Variants in CDKAL1 observed in about 807,000 individuals in gnomAD.
CDKAL1 encodes threonylcarbamoyladenosine tRNA methylthiotransferase.
In CDKAL1, 32 loss-of-function variants were observed where a neutral mutation model predicts 68.2. That is an observed-to-expected ratio of 0.47 (90% CI 0.35 to 0.63). The LOEUF is 0.63. CDKAL1 is among the 30% of genes least tolerant of loss of function. The pLI, the probability that CDKAL1 is intolerant of heterozygous loss-of-function variation, is 0.00. For synonymous variants in CDKAL1, 234 were observed against 244.3 expected (o/e 0.96, Z 0.39); for missense variants, 606 against 696.7 (o/e 0.87, Z 1.47).
intron 8 of CDKAL1, among the ~76,000 whole-genome samples, chr6:20,789,227 C>T (rs943679099): frequency 1.3e-5 from 2 of 152,084 alleles, no homozygotes; most frequent in African/African-American, 2.4e-5. Flanking sequence ...ATGTCTTCAA[C>T]GGAATCCCAA....
intron 7 of CDKAL1, among the ~76,000 whole-genome samples, chr6:20,764,002 G>A (rs1774585255): frequency 6.6e-6 from 1 of 152,064 alleles, no homozygotes; most frequent in South Asian, 2.1e-4. Flanking sequence ...AGCGTCTAGT[G>A]GATTCACATT....
rs375865671 is a variant in CDKAL1, at chr6:20,568,607, C to T, written c.286+19902C>T. On this transcript the variant is annotated intron_variant, in intron 4 of 15. Coordinates refer to ENST00000274695, the MANE Select transcript of CDKAL1 (RefSeq NM_017774.3). ...AAAATTAGCCGGGCGTGGTGGCGGG[C>T]GCCTGTAGTCCCAGCTGCTTGGAAG... 1.6e-4 allele frequency among the ~76,000 whole-genome samples: 25 copies of T among 151,744 alleles called. 1 individual carries two copies. In the East Asian group the frequency reaches 4.3e-3, roughly 26 times the overall value.
At chr6:21,015,196 C>T (rs1403285859) in intron 11 of CDKAL1, among the ~76,000 whole-genome samples, 1 of 152,118 alleles carries the variant, frequency 6.6e-6, no homozygotes, top group African/African-American at 2.4e-5. Flanking sequence ...TCAAATTTTT[C>T]TATTTTCTTT....
chr6:21,133,176 C>A (rs1775415806), intron 13 of CDKAL1, among the ~76,000 whole-genome samples: 1 of 152,142 alleles, frequency 6.6e-6, no homozygotes, highest in African/African-American at 2.4e-5. Context: ...AAACAAGATG[C>A]CAATTCACGT....
chr6:20,853,282 C>T (rs775031904), intron 9 of CDKAL1, among the ~76,000 whole-genome samples: 2 of 151,156 alleles, frequency 1.3e-5, no homozygotes, highest in African/African-American at 2.4e-5. Flanking sequence ...CTTGGGAGGC[C>T]GAGGTGGAAG....
chr6:20,889,692 T>G (rs145130719), intron 9 of CDKAL1, among the ~76,000 whole-genome samples: 1,659 of 152,224 alleles, frequency 0.011, 27 homozygotes, highest in African/African-American at 0.036. Context: ...TATTTCTGAG[T>G]GCTCTGTTCT....
At chr6:20,704,468 T>A (rs1305952852) in intron 5 of CDKAL1, among the ~76,000 whole-genome samples, 3 of 146,962 alleles carry the variant, frequency 2.0e-5, no homozygotes, top group Admixed American at 6.7e-5. Context: ...GAAACAGCAA[T>A]AAAAAAAACA....
chr6:20,623,967 A>C (rs1285409021), intron 4 of CDKAL1, among the ~76,000 whole-genome samples: 2 of 152,118 alleles, frequency 1.3e-5, no homozygotes, highest in East Asian at 3.8e-4. Flanking sequence ...TGGCACAGAG[A>C]ATATGCTCAA....
At chr6:20,628,800 A>G (rs1484282892) in intron 4 of CDKAL1, among the ~76,000 whole-genome samples, 1 of 152,216 alleles carries the variant, frequency 6.6e-6, no homozygotes, top group Non-Finnish European at 1.5e-5. Flanking sequence ...TCGTTTCAAA[A>G]TAAAACCAAA....
chr6:20,831,974 C>G (rs1220284523), intron 8 of CDKAL1, among the ~76,000 whole-genome samples: 1 of 152,186 alleles, frequency 6.6e-6, no homozygotes, highest in African/African-American at 2.4e-5. Context: ...GTACGCTTCT[C>G]ATCTTCAAGG....
chr6:20,695,021 C>G (rs1208694176), intron 5 of CDKAL1, among the ~76,000 whole-genome samples: 1 of 152,166 alleles, frequency 6.6e-6, no homozygotes, highest in African/African-American at 2.4e-5. Context: ...GAACTATGAA[C>G]CAAACAAACC....
At chr6:20,657,332 C>T (rs1317334087) in intron 5 of CDKAL1, among the ~76,000 whole-genome samples, 1 of 152,136 alleles carries the variant, frequency 6.6e-6, no homozygotes, top group East Asian at 1.9e-4. Context: ...CTGTTGCACC[C>T]AATCCTTTAT....
intron 5 of CDKAL1, among the ~76,000 whole-genome samples, chr6:20,731,699 A>G (rs1772932734): frequency 6.6e-6 from 1 of 152,242 alleles, no homozygotes; most frequent in Non-Finnish European, 1.5e-5. Flanking sequence ...AACATGTGTC[A>G]TAGAGACAAG....
chr6:20,723,983 A>C (rs894826865), intron 5 of CDKAL1, among the ~76,000 whole-genome samples: 4 of 152,104 alleles, frequency 2.6e-5, no homozygotes, highest in African/African-American at 9.7e-5. Context: ...CTCAGGCTGG[A>C]GTGCAGTGGT....
chr6:20,722,493 A>G, intron 5 of CDKAL1: 2 of 317,096 alleles, frequency 6.3e-6, no homozygotes, highest in Non-Finnish European at 1.2e-5. Flanking sequence ...ATTCCAGAAA[A>G]TGGGTTTAGT....
At chr6:20,978,315 T>C (rs527852089) in intron 10 of CDKAL1, among the ~76,000 whole-genome samples, 2 of 152,200 alleles carry the variant, frequency 1.3e-5, no homozygotes, top group Non-Finnish European at 1.5e-5. Flanking sequence ...CGGGTGTTTT[T>C]CTTAAGTTAT....
intron 5 of CDKAL1, among the ~76,000 whole-genome samples, chr6:20,733,464 G>A (rs1031931790): frequency 1.3e-5 from 2 of 152,172 alleles, no homozygotes; most frequent in African/African-American, 4.8e-5. Context: ...CTTTATTCCA[G>A]TGCACCATGA....
chr6:20,600,310 A>T (rs549920769), intron 4 of CDKAL1, among the ~76,000 whole-genome samples: 8 of 152,084 alleles, frequency 5.3e-5, no homozygotes, highest in Non-Finnish European at 1.0e-4. Flanking sequence ...CTCTTTTTAG[A>T]TGAAGTTTTT....
intron 9 of CDKAL1, among the ~76,000 whole-genome samples, chr6:20,940,854 G>A (rs959563305): frequency 6.6e-6 from 1 of 152,156 alleles, no homozygotes; most frequent in Non-Finnish European, 1.5e-5. Flanking sequence ...ACTTTGAGAG[G>A]CCAAGGCGGG....
Sources: gnomAD v4.1 joint callset for allele counts (sites outside exome capture counted in the v4.1 genomes callset) on GRCh38, gnomAD v4.1.1 for gene constraint, MANE v1.5 for transcripts, NCBI Gene and HGNC (gene_info 2026-07-23, HGNC 2026-07-21) for gene names.